Variants in HSPA12A observed in about 807,000 individuals in gnomAD.
HSPA12A encodes heat shock protein family A (Hsp70) member 12A, also known as heat shock 70 kDa protein 12A.
In HSPA12A, 28 loss-of-function variants were observed where a neutral mutation model predicts 69.2. That is an observed-to-expected ratio of 0.40 (90% CI 0.30 to 0.55). The LOEUF (loss-of-function observed/expected upper bound fraction) is 0.55. HSPA12A is among the 20% of genes least tolerant of loss of function. HSPA12A has a pLI of 0.38. For synonymous variants in HSPA12A, 345 were observed against 370.5 expected (o/e 0.93, Z 0.79); for missense variants, 686 against 900.7 (o/e 0.76, Z 3.05).
rs61872836 is a variant in HSPA12A at position 116,686,555 on chromosome 10, C to T, written c.664-2593G>A. On this transcript the variant is annotated intron_variant, in intron 6 of 11. Coordinates refer to ENST00000369209, the MANE Select transcript of HSPA12A (RefSeq NM_025015.3). The surrounding 1 kb of genome is among the most constrained non-coding windows in gnomAD (Gnocchi z 4.1). The stretch of plus-strand genomic sequence containing the variant: ...TGGTGTGAAGGAAGAAAGGCAAAGA[C>T]CCAGACGCTACATTACGGTTACCAT... 0.41 allele frequency among the ~76,000 whole-genome samples: 62,822 copies of T among 152,050 alleles called. 13,189 individuals are homozygous for T. Among genetic ancestry groups the T allele is most frequent in the Non-Finnish European group, 0.45 (30,875 of 67,942 alleles).
chr10:116,687,168 C>T (rs542511404), intron 6 of HSPA12A, among the ~76,000 whole-genome samples: 5 of 152,166 alleles, frequency 3.3e-5, no homozygotes, highest in Non-Finnish European at 7.3e-5. Flanking sequence ...CTTGGGCTGG[C>T]CACTCAGGGG....
intron 2 of HSPA12A, among the ~76,000 whole-genome samples, chr10:116,806,373 T>C (rs1199105389): frequency 6.6e-6 from 1 of 152,066 alleles, no homozygotes; most frequent in Non-Finnish European, 1.5e-5. Context: ...GCCCAGCTAA[T>C]TTTTGTATTT....
chr10:116,739,144 A>G (rs975277761), intron 1 of HSPA12A, among the ~76,000 whole-genome samples: 1 of 152,158 alleles, frequency 6.6e-6, no homozygotes, highest in Non-Finnish European at 1.5e-5. Context: ...CATGCCAGGC[A>G]CATGCCAGGA....
chr10:116,726,027 G>GTGCGCA (rs1850948194), intron 1 of HSPA12A, among the ~76,000 whole-genome samples: 1 of 146,114 alleles, frequency 6.8e-6, no homozygotes, highest in Non-Finnish European at 1.5e-5. Flanking sequence ...ACACACACAC[G>GTGCGCA]CACACACACA....
At chr10:116,837,689 A>G (rs956051780) in intron 1 of HSPA12A, among the ~76,000 whole-genome samples, 2 of 152,208 alleles carry the variant, frequency 1.3e-5, no homozygotes, top group Non-Finnish European at 2.9e-5. Flanking sequence ...TAATACTATC[A>G]GAATATACAT....
At position 116,683,926 on chromosome 10, in the gene HSPA12A, T is replaced by A. The variant is rs887992136; in HGVS notation, c.700A>T (p.Ile234Phe). Reference protein sequence around the residue: ...LASPENSEQLIIALEPEAASI... With the variant: ...LASPENSEQLFIALEPEAASI... The stretch of plus-strand genomic sequence containing the variant: ...GCTGCCTCAGGCTCCAAGGCAATGA[T>A]GAGCTGCTCCGAGTTCTCGGGGGAG... Residue 234 changes from isoleucine to phenylalanine, a missense_variant, in exon 7 of 12, where the codon ATC becomes TTC. Coordinates refer to ENST00000369209, the MANE Select transcript of HSPA12A (RefSeq NM_025015.3). 2 of 1,586,322 alleles carry A rather than the reference T, an allele frequency of 1.3e-6. No homozygotes were observed. The highest frequency in any genetic ancestry group is 2.7e-5 in the African/African-American group (2 of 74,376).
At chr10:116,818,881 G>T (rs1270002371) in intron 2 of HSPA12A, among the ~76,000 whole-genome samples, 1 of 152,146 alleles carries the variant, frequency 6.6e-6, no homozygotes, top group African/African-American at 2.4e-5. Context: ...ACATTGCAGT[G>T]TGTCTCCAGG....
intron 6 of HSPA12A, 107 bp from the exon 7 acceptor site, chr10:116,684,069 G>GAC: frequency 2.2e-6 from 2 of 899,790 alleles, no homozygotes; most frequent in Non-Finnish European, 3.2e-6. Flanking sequence ...CTCGTGCTCT[G>GAC]CATCTGTGGG....
intron 1 of HSPA12A, among the ~76,000 whole-genome samples, chr10:116,717,305 G>T (rs1274423227): frequency 2.0e-5 from 3 of 152,152 alleles, no homozygotes; most frequent in Non-Finnish European, 4.4e-5. Flanking sequence ...TACGAGACAG[G>T]TGTGAATGTA....
Position 116,700,829 on chromosome 10 carries a change from G to A in HSPA12A, c.441+114C>T, listed in dbSNP as rs73380055. On this transcript the variant is annotated intron_variant, in intron 4 of 11. Transcript: ENST00000369209. ...GTAAATGGACACTGATTTCTGCTTG[G>A]AAGAGACCAGAGGGCCCCCTGGGTT... 1.0e-3 allele frequency: 948 copies of A among 912,496 alleles called. 4 individuals are homozygous for A. In the African/African-American group the frequency reaches 0.014, roughly 14 times the overall value. 56.5% of individuals were successfully genotyped at this position (912,496 alleles called of 1,614,324 possible).
intron 2 of HSPA12A, chr10:116,832,655 G>A (rs1018346902): frequency 6.6e-6 from 1 of 152,162 alleles, no homozygotes; most frequent in Non-Finnish European, 1.5e-5. Flanking sequence ...AGGTGCTGAA[G>A]ATTCAGAGCT....
At chr10:116,738,968 C>T (rs1851396504) in intron 1 of HSPA12A, among the ~76,000 whole-genome samples, 1 of 152,222 alleles carries the variant, frequency 6.6e-6, no homozygotes, top group African/African-American at 2.4e-5. Context: ...AGCCAGAACC[C>T]TAACCTGCAA....
intron 2 of HSPA12A, among the ~76,000 whole-genome samples, chr10:116,821,059 G>C (rs1024963453): frequency 2.0e-5 from 3 of 152,000 alleles, no homozygotes; most frequent in Admixed American, 2.0e-4. Flanking sequence ...ATTCACATCT[G>C]TTCCATCTCC....
intron 2 of HSPA12A, among the ~76,000 whole-genome samples, chr10:116,814,274 G>A (rs757639417): frequency 1.3e-5 from 2 of 152,216 alleles, no homozygotes; most frequent in Non-Finnish European, 2.9e-5. Context: ...GGAGAAGCCA[G>A]AAAAGATTCT....
chr10:116,779,376 C>T (rs1844412129), intron 2 of HSPA12A, among the ~76,000 whole-genome samples: 1 of 152,184 alleles, frequency 6.6e-6, no homozygotes, highest in Admixed American at 6.5e-5. Context: ...GGGACAGAAT[C>T]ACCCTGACAC....
rs1554881224 is a variant in HSPA12A at position 116,698,725 on chromosome 10, A to G, written c.456T>C (p.Asp152=). 2 of 1,613,806 alleles carry G rather than the reference A, an allele frequency of 1.2e-6. No homozygotes were observed. Among genetic ancestry groups the G allele is most frequent in the Admixed American group, 1.7e-5 (1 of 60,024 alleles). ...TGCCATTTGCTGCCGTCAGGTCTGTATCCATGGTGAGGTCCTGGTAGGAGG... is the reference window on the plus strand; with the variant it reads ...TGCCATTTGCTGCCGTCAGGTCTGTGTCCATGGTGAGGTCCTGGTAGGAGG... The part of the protein sequence containing the change: ...KLHTTGDLTM[D]TDLTAANGKK... The change falls in exon 5 of 12, where the codon GAT becomes GAC. Residue 152 remains aspartate, a synonymous_variant. Transcript: ENST00000369209.
chr10:116,813,408 G>A (rs766197696), intron 2 of HSPA12A, among the ~76,000 whole-genome samples: 6 of 151,466 alleles, frequency 4.0e-5, no homozygotes, highest in Non-Finnish European at 8.8e-5. Flanking sequence ...CACCACGCCC[G>A]GCTAATTTTT....
At chr10:116,797,063 G>A (rs1045705771) in intron 2 of HSPA12A, among the ~76,000 whole-genome samples, 1 of 152,162 alleles carries the variant, frequency 6.6e-6, no homozygotes, top group Non-Finnish European at 1.5e-5. Context: ...AGGATGTGAT[G>A]CATTTCCCAT....
intron 2 of HSPA12A, among the ~76,000 whole-genome samples, chr10:116,814,131 T>A (rs992394648): frequency 7.2e-5 from 11 of 152,142 alleles, no homozygotes; most frequent in Non-Finnish European, 1.6e-4. Context: ...ATCTATTTTT[T>A]AAAAAAGAAT....
Sources: allele counts gnomAD v4.1 joint callset (sites outside exome capture counted in the v4.1 genomes callset), GRCh38; gene constraint gnomAD v4.1.1; non-coding constraint Gnocchi (gnomAD v3.1); transcripts MANE v1.5; gene names NCBI Gene and HGNC (gene_info 2026-07-23, HGNC 2026-07-21).